The following DPP6 variants were observed in gnomAD, a reference collection of about 807,000 sequenced individuals.
DPP6 encodes the protein dipeptidyl peptidase like 6.
In DPP6, 69 loss-of-function variants were observed where a neutral mutation model predicts 122.6. The ratio of observed to expected loss-of-function variants is 0.56; its 90% CI spans 0.46 to 0.69. The LOEUF (loss-of-function observed/expected upper bound fraction) is 0.69, where lower values mean the gene tolerates loss of function less well. Among genes scored for constraint, DPP6 ranks in the 30% least tolerant of loss-of-function variants. DPP6 has a pLI of 0.00. For missense variants in DPP6, 928 were observed against 1,116.9 expected (o/e 0.83, Z 2.41); for synonymous variants, 418 against 433.1 (o/e 0.97, Z 0.43).
chr7:153,853,811 T>C, the DPP6 span, among the ~76,000 whole-genome samples: 3 of 152,028 alleles, frequency 2.0e-5, no homozygotes, highest in East Asian at 1.9e-4. Flanking sequence ...TTCACTCTGA[T>C]GGTAGTTTCT....
chr7:154,530,600 A>G (rs1008822300), intron 3 of DPP6, among the ~76,000 whole-genome samples: 1 of 152,212 alleles, frequency 6.6e-6, no homozygotes, highest in African/African-American at 2.4e-5. Context: ...CTCAAGATCT[A>G]GAAGCAGAAA....
intron 1 of DPP6, among the ~76,000 whole-genome samples, chr7:153,911,344 A>C (rs577953399): frequency 6.6e-6 from 1 of 151,978 alleles, no homozygotes; most frequent in South Asian, 2.1e-4. Flanking sequence ...CGCTGTCCAC[A>C]CCCTTTCCTT....
intron 1 of DPP6, among the ~76,000 whole-genome samples, chr7:154,391,575 T>G (rs1306737761): frequency 6.6e-6 from 1 of 152,218 alleles, no homozygotes; most frequent in Non-Finnish European, 1.5e-5. Flanking sequence ...GTCCATCATT[T>G]GGGCAGCTTC....
At position 154,760,270 on chromosome 7, in the gene DPP6, G is replaced by C. The variant is rs779419087; in HGVS notation, c.884-9147G>C. Reference sequence around the variant, plus strand: ...TTAGCAGGTGATTGGTGGAAGGAACGGGGAGGTTTGGAAAGTCCTTCAGCA... The same window carrying C: ...TTAGCAGGTGATTGGTGGAAGGAACCGGGAGGTTTGGAAAGTCCTTCAGCA... On this transcript the variant is annotated intron_variant, in intron 8 of 25. Transcript: ENST00000377770. This position sits in a 1 kb window ranked among gnomAD's most constrained non-coding sequence, Gnocchi z 4.5. 6.6e-6 allele frequency among the ~76,000 whole-genome samples: 1 copy of C among 152,170 alleles called. No homozygotes were observed. Among genetic ancestry groups the C allele is most frequent in the Admixed American group, 6.5e-5 (1 of 15,276 alleles).
At chr7:153,903,562 A>C (rs937725883) in intron 1 of DPP6, among the ~76,000 whole-genome samples, 5 of 152,216 alleles carry the variant, frequency 3.3e-5, no homozygotes, top group Non-Finnish European at 5.9e-5. Context: ...AAGAGAAGAG[A>C]TTAAGCATTG....
intron 7 of DPP6, among the ~76,000 whole-genome samples, chr7:154,695,363 G>A (rs1359344573): frequency 6.6e-6 from 1 of 152,192 alleles, no homozygotes; most frequent in Non-Finnish European, 1.5e-5. Context: ...GCTAGTGTGT[G>A]TATGAGATTT....
chr7:154,545,741 C>G (rs1202478234), intron 4 of DPP6, among the ~76,000 whole-genome samples: 3 of 152,120 alleles, frequency 2.0e-5, no homozygotes, highest in Admixed American at 2.0e-4. Context: ...TCAAACTCTT[C>G]TTTTATGAGG....
At chr7:154,011,172 C>T (rs919063691) in intron 1 of DPP6, among the ~76,000 whole-genome samples, 4 of 152,360 alleles carry the variant, frequency 2.6e-5, no homozygotes, top group East Asian at 1.9e-4. Flanking sequence ...TGACAAATTA[C>T]TCCCTTAACC....
intron 1 of DPP6, among the ~76,000 whole-genome samples, chr7:154,320,255 C>G (rs1046411837): frequency 6.6e-6 from 1 of 152,024 alleles, no homozygotes; most frequent in Non-Finnish European, 1.5e-5. Flanking sequence ...CTGACGGTGC[C>G]TCTCACTTCA....
the DPP6 span, among the ~76,000 whole-genome samples, chr7:153,790,666 C>T: frequency 1.3e-5 from 2 of 152,256 alleles, no homozygotes; most frequent in Admixed American, 1.3e-4. Flanking sequence ...TGATGATATA[C>T]ATGAAACAGC....
chr7:154,472,128 G>GA (rs1481637620), intron 2 of DPP6, among the ~76,000 whole-genome samples: 1 of 152,198 alleles, frequency 6.6e-6, no homozygotes, highest in Non-Finnish European at 1.5e-5. Context: ...TATTGTATGA[G>GA]ATAATTACTG....
rs544058580 is a variant in DPP6, at chr7:154,061,765, C to T, written c.243+8702C>T. On this transcript the variant is annotated intron_variant, in intron 1 of 25. Coordinates refer to ENST00000377770, the MANE Select transcript of DPP6 (RefSeq NM_130797.4). ...CCCTTTCCTCCCCTGGCTCTTTGCA[C>T]CCCCATCGCAGGGAGGGAGGCACCC... Among the ~76,000 whole-genome samples, 7 of 107,482 alleles carry T rather than the reference C, an allele frequency of 6.5e-5. 1 individual carries two copies. Among genetic ancestry groups the T allele is most frequent in the African/African-American group, 1.8e-4 (5 of 28,012 alleles). The allele number at this position is 107,482 out of a possible 152,430, so 70.5% of individuals were successfully genotyped here.
chr7:154,697,696 A>C (rs970466007), intron 7 of DPP6, among the ~76,000 whole-genome samples: 4 of 152,226 alleles, frequency 2.6e-5, no homozygotes, highest in African/African-American at 9.6e-5. Flanking sequence ...GCAATAAGGG[A>C]AGAAACAATA....
At chr7:153,952,555 G>A (rs1050072819) in intron 1 of DPP6, among the ~76,000 whole-genome samples, 3 of 152,244 alleles carry the variant, frequency 2.0e-5, no homozygotes, top group Non-Finnish European at 2.9e-5. Flanking sequence ...AGACTGTGAT[G>A]AGCACAGTTT....
chr7:154,705,157 G>T (rs1357714534), intron 7 of DPP6, among the ~76,000 whole-genome samples: 1 of 152,180 alleles, frequency 6.6e-6, no homozygotes, highest in Non-Finnish European at 1.5e-5. Flanking sequence ...AGAAAATATT[G>T]TAACTGTAGC....
At chr7:154,696,142 G>A (rs73495819) in intron 7 of DPP6, among the ~76,000 whole-genome samples, 5,716 of 152,288 alleles carry the variant, frequency 0.038, 349 homozygotes, top group African/African-American at 0.13. Context: ...CTCATCAGCC[G>A]GAGGACAGGG....
At chr7:154,060,302 C>T (rs868616924) in intron 1 of DPP6, among the ~76,000 whole-genome samples, 3 of 133,294 alleles carry the variant, frequency 2.3e-5, no homozygotes, top group Non-Finnish European at 3.3e-5. Context: ...CTCTTCCCCC[C>T]CTGGCTCTTA....
chr7:154,600,846 C>G (rs1194261269), intron 5 of DPP6, among the ~76,000 whole-genome samples: 1 of 120,808 alleles, frequency 8.3e-6, no homozygotes, highest in African/African-American at 2.6e-5. Context: ...AATCCCAGCA[C>G]TTTGGGAGGC....
chr7:154,404,856 T>C (rs1445084732), intron 1 of DPP6, among the ~76,000 whole-genome samples: 1 of 152,198 alleles, frequency 6.6e-6, no homozygotes, highest in Non-Finnish European at 1.5e-5. Flanking sequence ...CTAAGTAACA[T>C]TATGTACAGA....
Sources: gnomAD v4.1 joint callset for allele counts (sites outside exome capture counted in the v4.1 genomes callset) on GRCh38, gnomAD v4.1.1 for gene constraint, Gnocchi (gnomAD v3.1) non-coding constraint, MANE v1.5 for transcripts, NCBI Gene and HGNC (gene_info 2026-07-23, HGNC 2026-07-21) for gene names.